NXPH2: variants seen among roughly 807,000 people sequenced by gnomAD.
The protein encoded by NXPH2 is neurexophilin 2.
Under a neutral mutation model 19.8 loss-of-function variants are expected in NXPH2, and 5 were observed. That is an observed-to-expected ratio of 0.25 (90% CI 0.13 to 0.53). The LOEUF (loss-of-function observed/expected upper bound fraction) is 0.53. NXPH2 is among the 20% of genes least tolerant of loss of function. The probability of loss-of-function intolerance (pLI) is 0.96; values close to 1 mark genes in which losing one functional copy is unlikely to be tolerated. For synonymous variants in NXPH2, 154 were observed against 127.4 expected (o/e 1.21, Z -1.41); for missense variants, 289 against 322.8 (o/e 0.90, Z 0.80).
intron 1 of NXPH2, among the ~76,000 whole-genome samples, chr2:138,718,551 T>C (rs1681227543): frequency 6.6e-6 from 1 of 152,070 alleles, no homozygotes; most frequent in African/African-American, 2.4e-5. Flanking sequence ...AAAAAGGCTG[T>C]CCAGCAGAAC....
chr2:138,745,496 G>C lies in NXPH2; in HGVS notation c.51+34695C>G, dbSNP rs904624968. On this transcript the variant is annotated intron_variant, in intron 1 of 1. Coordinates refer to ENST00000272641, the MANE Select transcript of NXPH2 (RefSeq NM_007226.3). ...CATCCTTTTCTTCTTTTTTTGGCGG[G>C]GGGGGGGGGGTGTTGTTTGCATGTT... Among the ~76,000 whole-genome samples, 5 of 37,548 alleles carry C rather than the reference G, an allele frequency of 1.3e-4. No individual in the cohort carries two copies. In the South Asian group the frequency reaches 4.0e-3, roughly 30 times the overall value. 24.6% of individuals were successfully genotyped at this position (37,548 alleles called of 152,430 possible).
Position 138,780,329 on chromosome 2 carries a change from C to T in NXPH2, c.-88G>A. On this transcript the variant is annotated 5_prime_UTR_variant, in exon 1 of 2. Coordinates refer to ENST00000272641, the MANE Select transcript of NXPH2 (RefSeq NM_007226.3). ...CTTCGCGGGGCAGGACTGAGGACGCCAGGGACACAGCGCGGCGCTTCCCTC... is the reference window on the plus strand; with the variant it reads ...CTTCGCGGGGCAGGACTGAGGACGCTAGGGACACAGCGCGGCGCTTCCCTC... 1 of 1,040,346 alleles carries T rather than the reference C, an allele frequency of 9.6e-7. No individual in the cohort carries two copies. Among genetic ancestry groups the T allele is most frequent in the Non-Finnish European group, 1.3e-6 (1 of 798,152 alleles). The allele number at this position is 1,040,346 out of a possible 1,614,324, so 64.4% of individuals were successfully genotyped here. A position where few individuals can be genotyped will look rare whatever the true frequency, so the allele number is the denominator to read the frequency against.
chr2:138,756,351 T>C (rs1167636048), intron 1 of NXPH2, among the ~76,000 whole-genome samples: 1 of 152,096 alleles, frequency 6.6e-6, no homozygotes, highest in Admixed American at 6.6e-5. Flanking sequence ...GAAACCACAC[T>C]TACTCTAAGA....
chr2:138,720,295 A>G (rs938385768), intron 1 of NXPH2, among the ~76,000 whole-genome samples: 1 of 152,250 alleles, frequency 6.6e-6, no homozygotes, highest in African/African-American at 2.4e-5. Context: ...ATCCTCAGTA[A>G]CAGAAAACAA....
chr2:138,700,376 C>T (rs918962702), intron 1 of NXPH2, among the ~76,000 whole-genome samples: 4 of 152,134 alleles, frequency 2.6e-5, no homozygotes, highest in Admixed American at 2.6e-4. Flanking sequence ...ACATCTGGTG[C>T]TGAAAATTTC....
chr2:138,747,761 C>T (rs1267220530), intron 1 of NXPH2, among the ~76,000 whole-genome samples: 1 of 152,168 alleles, frequency 6.6e-6, no homozygotes, highest in Non-Finnish European at 1.5e-5. Context: ...TTCTTGAAGT[C>T]CACTAGCCTG....
chr2:138,774,458 A>G (rs1682227992), intron 1 of NXPH2, among the ~76,000 whole-genome samples: 1 of 152,388 alleles, frequency 6.6e-6, no homozygotes, highest in African/African-American at 2.4e-5. Context: ...TATTTAAAAC[A>G]ATTACATTTT....
chr2:138,754,868 T>A (rs1027086755), intron 1 of NXPH2, among the ~76,000 whole-genome samples: 1 of 152,132 alleles, frequency 6.6e-6, no homozygotes, highest in African/African-American at 2.4e-5. Context: ...TGCATCCTAA[T>A]CAGTAATTGG....
chr2:138,762,202 A>T (rs930208785), intron 1 of NXPH2, among the ~76,000 whole-genome samples: 1 of 152,196 alleles, frequency 6.6e-6, no homozygotes, highest in Non-Finnish European at 1.5e-5. Context: ...TACATTATCA[A>T]CAGTGGTCAA....
At chr2:138,759,498 T>A (rs1681967629) in intron 1 of NXPH2, among the ~76,000 whole-genome samples, 1 of 151,982 alleles carries the variant, frequency 6.6e-6, no homozygotes, top group East Asian at 1.9e-4. Context: ...ACATTCCAGG[T>A]GGGAAGGTGG....
intron 1 of NXPH2, among the ~76,000 whole-genome samples, chr2:138,710,467 C>T (rs1460608974): frequency 6.6e-6 from 1 of 152,100 alleles, no homozygotes; most frequent in African/African-American, 2.4e-5. Flanking sequence ...CTATGTTTAG[C>T]TCTTAGAGAA....
chr2:138,765,527 A>G (rs1445957848), intron 1 of NXPH2, among the ~76,000 whole-genome samples: 1 of 152,224 alleles, frequency 6.6e-6, no homozygotes, highest in Non-Finnish European at 1.5e-5. Context: ...AAACTTAACT[A>G]AAAATGCATT....
intron 1 of NXPH2, among the ~76,000 whole-genome samples, chr2:138,750,782 T>C (rs1352038080): frequency 6.6e-6 from 1 of 152,044 alleles, no homozygotes; most frequent in Non-Finnish European, 1.5e-5. Flanking sequence ...ACAACAACCA[T>C]AAAAATCTAA....
intron 1 of NXPH2, among the ~76,000 whole-genome samples, chr2:138,744,414 T>C (rs1283144856): frequency 6.6e-6 from 1 of 152,130 alleles, no homozygotes; most frequent in Non-Finnish European, 1.5e-5. Flanking sequence ...TTGTTATCTT[T>C]GGTTCTAGCC....
chr2:138,695,848 C>T (rs1007958559), intron 1 of NXPH2, among the ~76,000 whole-genome samples: 3 of 152,006 alleles, frequency 2.0e-5, no homozygotes, highest in Non-Finnish European at 1.5e-5. Context: ...AGATAAGTAT[C>T]CATTTAAAAA....
At chr2:138,773,375 T>C (rs1209050221) in intron 1 of NXPH2, among the ~76,000 whole-genome samples, 3 of 152,318 alleles carry the variant, frequency 2.0e-5, no homozygotes, top group African/African-American at 4.8e-5. Flanking sequence ...AAAACTTCAT[T>C]AATACATATT....
intron 1 of NXPH2, among the ~76,000 whole-genome samples, chr2:138,763,651 A>T (rs79288266): frequency 0.054 from 8,255 of 152,278 alleles, 309 homozygotes; most frequent in South Asian, 0.087. Context: ...AGTCTATTTT[A>T]GTAGAGTGCT....
intron 1 of NXPH2, among the ~76,000 whole-genome samples, chr2:138,672,387 C>G (rs547069913): frequency 6.6e-6 from 1 of 152,074 alleles, no homozygotes; most frequent in Non-Finnish European, 1.5e-5. Flanking sequence ...TGCTAAGAAA[C>G]TGTCATGTGC....
At chr2:138,716,432 T>G (rs1160215383) in intron 1 of NXPH2, among the ~76,000 whole-genome samples, 2 of 152,178 alleles carry the variant, frequency 1.3e-5, no homozygotes, top group African/African-American at 2.4e-5. Context: ...AACACGGCCA[T>G]CTGCAAAGCA....
Sources: gnomAD v4.1 joint callset for allele counts (sites outside exome capture counted in the v4.1 genomes callset) on GRCh38, gnomAD v4.1.1 for gene constraint, MANE v1.5 for transcripts, NCBI Gene and HGNC (gene_info 2026-07-23, HGNC 2026-07-21) for gene names.